SLC12A8: variants seen among roughly 807,000 people sequenced by gnomAD.
SLC12A8 encodes the protein solute carrier family 12 member 8.
Under a neutral mutation model 75.6 loss-of-function variants are expected in SLC12A8, and 69 were observed. That is an observed-to-expected ratio of 0.91 (90% CI 0.75 to 1.11). SLC12A8 has a LOEUF of 1.11. SLC12A8 is among the 50% of genes most tolerant of loss of function. The probability of loss-of-function intolerance (pLI) is 0.00; values close to 1 mark genes in which losing one functional copy is unlikely to be tolerated. For missense variants in SLC12A8, 877 were observed against 896.7 expected (o/e 0.98, Z 0.28); for synonymous variants, 365 against 372.8 (o/e 0.98, Z 0.24).
At chr3:125,128,178 TTTTTA>T in intron 6 of SLC12A8, among the ~76,000 whole-genome samples, 1 of 58,068 alleles carries the variant, frequency 1.7e-5, no homozygotes, top group Non-Finnish European at 3.5e-5. Flanking sequence ...CCTAAGCTTA[TTTTTA>T]TTTTTTTTTT....
intron 1 of SLC12A8, among the ~76,000 whole-genome samples, 193 bp from the exon 2 acceptor site, chr3:125,211,587 G>A (rs996334157): frequency 1.1e-4 from 17 of 152,154 alleles, no homozygotes; most frequent in African/African-American, 4.1e-4. Flanking sequence ...TGGTCCTTCA[G>A]TGCCCACCTG....
At chr3:125,165,804 G>A (rs561507141) in intron 5 of SLC12A8, among the ~76,000 whole-genome samples, 4 of 152,126 alleles carry the variant, frequency 2.6e-5, no homozygotes, top group South Asian at 2.1e-4. Context: ...CTGGCCCTCC[G>A]CAGACACAGT....
intron 13 of SLC12A8, among the ~76,000 whole-genome samples, chr3:125,086,988 G>T (rs1938474548): frequency 6.6e-6 from 1 of 152,170 alleles, no homozygotes; most frequent in South Asian, 2.1e-4. Context: ...TGTTTAATGG[G>T]CATGGTGATG....
intron 10 of SLC12A8, among the ~76,000 whole-genome samples, chr3:125,106,909 G>A (rs1939042036): frequency 6.6e-6 from 1 of 152,234 alleles, no homozygotes; most frequent in Admixed American, 6.5e-5. Context: ...AGTAATAGAT[G>A]TAAAGCACCT....
In SLC12A8 at chr3:125,110,210, T is replaced by G. The variant is rs1228654618; in HGVS notation, c.1038A>C (p.Ala346=). ...QCIAQEKVIP[A]LACLGQGKGP... ...TCACCCCTTGTCCCAGACAGGCAAG[T>G]GCAGGGATCACTTTCTCCTGGGCAA... Residue 346 remains alanine, a synonymous_variant, in exon 9 of 14, where the codon GCA becomes GCC. Coordinates refer to ENST00000469902, the MANE Select transcript of SLC12A8 (RefSeq NM_024628.6). 11 of 1,613,598 alleles carry G rather than the reference T, an allele frequency of 6.8e-6. No individual in the cohort carries two copies. Among genetic ancestry groups the G allele is most frequent in the South Asian group, 1.1e-5 (1 of 91,058 alleles).
At chr3:125,176,927 C>G (rs1297178320) in intron 5 of SLC12A8, among the ~76,000 whole-genome samples, 6 of 151,806 alleles carry the variant, frequency 4.0e-5, no homozygotes, top group South Asian at 2.1e-4. Context: ...CGATTCCTCA[C>G]GGATCTAGAA....
Position 125,110,189 on chromosome 3 carries a change from C to T in SLC12A8, c.1059G>A (p.Gly353=), listed in dbSNP as rs755830784. 16 of 1,611,164 alleles carry T rather than the reference C, an allele frequency of 9.9e-6. No individual in the cohort carries two copies. Among genetic ancestry groups the T allele is most frequent in the Non-Finnish European group, 1.3e-5 (15 of 1,178,118 alleles). The change falls in exon 9 of 14, where the codon GGG becomes GGA. Residue 353 remains glycine (G), a splice_region_variant and synonymous_variant. Transcript: ENST00000469902. The part of the protein sequence containing the change: ...VIPALACLGQ[G]KGPNKTPVAA... Reference sequence around the variant, plus strand: ...AAACCAAAAAAAGAGGATTACTCACCCCTTGTCCCAGACAGGCAAGTGCAG... The same window carrying T: ...AAACCAAAAAAAGAGGATTACTCACTCCTTGTCCCAGACAGGCAAGTGCAG...
At chr3:125,140,146 C>T (rs1280162881) in intron 5 of SLC12A8, among the ~76,000 whole-genome samples, 1 of 152,218 alleles carries the variant, frequency 6.6e-6, no homozygotes, top group Non-Finnish European at 1.5e-5. Flanking sequence ...AGACTGTGTG[C>T]ACAGAGATTG....
chr3:125,188,378 G>A (rs1934838344), intron 3 of SLC12A8, among the ~76,000 whole-genome samples: 1 of 152,130 alleles, frequency 6.6e-6, no homozygotes, highest in African/African-American at 2.4e-5. Flanking sequence ...ATTAGCCTCA[G>A]GTATTCCTTT....
chr3:125,211,422 G>T lies in SLC12A8; in HGVS notation c.-45-28C>A, dbSNP rs547204351. 9.4e-6 allele frequency: 12 copies of T among 1,274,940 alleles called. No individual in the cohort carries two copies. In the South Asian group the frequency reaches 1.2e-4, roughly 13 times the overall value. 79.0% of individuals were successfully genotyped at this position (1,274,940 alleles called of 1,614,324 possible). ...GGAAGGTAACAGCATCCTTGGTCAG[G>T]CTGGCTTCTCCTCTCCTCTCCCCTT... is the stretch of plus-strand genomic sequence containing the variant. On this transcript the variant is annotated intron_variant, in intron 1 of 13. Transcript: ENST00000469902.
intron 7 of SLC12A8, among the ~76,000 whole-genome samples, chr3:125,120,349 G>T (rs1025625137): frequency 2.6e-5 from 4 of 152,088 alleles, no homozygotes; most frequent in Non-Finnish European, 5.9e-5. Flanking sequence ...GGAAAGAAAG[G>T]ATTCGATCTG....
chr3:125,130,115 C>T (rs369630558), intron 6 of SLC12A8, among the ~76,000 whole-genome samples: 11 of 152,286 alleles, frequency 7.2e-5, no homozygotes, highest in Middle Eastern at 3.4e-3. Flanking sequence ...ACAATCTATG[C>T]GCTATTATCA....
chr3:125,188,630 T>C (rs1483515230), intron 3 of SLC12A8, among the ~76,000 whole-genome samples: 2 of 152,348 alleles, frequency 1.3e-5, no homozygotes, highest in East Asian at 3.9e-4. Flanking sequence ...TCACATGTTT[T>C]GCAATAGAAA....
At chr3:125,141,521 T>G (rs553921738) in intron 5 of SLC12A8, among the ~76,000 whole-genome samples, 2 of 152,314 alleles carry the variant, frequency 1.3e-5, no homozygotes, top group African/African-American at 4.8e-5. Context: ...GGGTGGCACC[T>G]GCGGTGCCCC....
At chr3:125,099,372 C>T (rs1938803237) in intron 10 of SLC12A8, among the ~76,000 whole-genome samples, 2 of 152,130 alleles carry the variant, frequency 1.3e-5, no homozygotes, top group Admixed American at 1.3e-4. Flanking sequence ...TGCTACAATA[C>T]ATTATTTAAA....
At chr3:125,123,274 C>T (rs1482667415) in intron 6 of SLC12A8, among the ~76,000 whole-genome samples, 1 of 149,398 alleles carries the variant, frequency 6.7e-6, no homozygotes, top group East Asian at 2.0e-4. Flanking sequence ...ACTTGGGAGG[C>T]TGTGGTGGGA....
At chr3:125,194,216 G>T (rs924995377) in intron 2 of SLC12A8, among the ~76,000 whole-genome samples, 1 of 152,224 alleles carries the variant, frequency 6.6e-6, no homozygotes, top group African/African-American at 2.4e-5. Flanking sequence ...CAGGGGTGCG[G>T]CGACTTGGCG....
intron 5 of SLC12A8, among the ~76,000 whole-genome samples, chr3:125,150,920 A>C (rs1271955078): frequency 2.0e-5 from 3 of 152,148 alleles, no homozygotes; most frequent in African/African-American, 7.2e-5. Context: ...TACCTGGAGC[A>C]CTTCTTACAA....
Position 125,108,105 on chromosome 3 carries a change from C to G in SLC12A8, c.1081G>C (p.Val361Leu). ...AAGCTGGTCAGGCAGATGGCAGCCA[C>G]GGGTGTTTTGTTTGGCCCCTTCTGC... ...GQGKGPNKTP[V>L]AAICLTSLVT... Residue 361 changes from valine to leucine, a missense_variant, in exon 10 of 14, where the codon GTG (valine) becomes CTG (leucine). Coordinates refer to ENST00000469902, the MANE Select transcript of SLC12A8 (RefSeq NM_024628.6). The G allele has an allele frequency of 1.2e-6, 2 of 1,613,688 alleles. No homozygotes were observed. Among genetic ancestry groups the G allele is most frequent in the South Asian group, 2.2e-5 (2 of 91,026 alleles).
Sources: allele counts gnomAD v4.1 joint callset (sites outside exome capture counted in the v4.1 genomes callset), GRCh38; gene constraint gnomAD v4.1.1; transcripts MANE v1.5; gene names NCBI Gene and HGNC (gene_info 2026-07-23, HGNC 2026-07-21).